AKAP6: variants seen among roughly 807,000 people sequenced by gnomAD.
AKAP6 encodes A-kinase anchoring protein 6.
A neutral mutation model predicts 188.5 loss-of-function variants in AKAP6; 58 were observed. The ratio of observed to expected loss-of-function variants is 0.31; its 90% CI spans 0.25 to 0.38. The LOEUF (loss-of-function observed/expected upper bound fraction) is 0.38, where lower values mean the gene tolerates loss of function less well. Ranked by LOEUF, AKAP6 falls within the 10% of genes least tolerant of loss-of-function variation. The pLI is 1.00. For missense variants in AKAP6, 2,710 were observed against 2,740.0 expected (o/e 0.99, Z 0.24); for synonymous variants, 989 against 998.6 (o/e 0.99, Z 0.18).
intron 12 of AKAP6, among the ~76,000 whole-genome samples, chr14:32,781,064 A>C (rs2033234575): frequency 6.6e-6 from 1 of 152,110 alleles, no homozygotes; most frequent in African/African-American, 2.4e-5. Context: ...TAAATAGGAG[A>C]AAGAAAATAA....
intron 5 of AKAP6, among the ~76,000 whole-genome samples, chr14:32,583,642 C>A (rs2139291757): frequency 6.6e-6 from 1 of 152,328 alleles, no homozygotes; most frequent in South Asian, 2.1e-4. Context: ...TTCGAGCTTC[C>A]TGGCTGCTTT....
chr14:32,518,308 T>C (rs1370107125), intron 2 of AKAP6, among the ~76,000 whole-genome samples: 1 of 152,132 alleles, frequency 6.6e-6, no homozygotes, highest in Non-Finnish European at 1.5e-5. Context: ...AGGAAAGCAG[T>C]TCCTCACCAG....
Position 32,467,480 on chromosome 14 carries a change from T to G in AKAP6, c.324+33663T>G, listed in dbSNP as rs949041370. Among the ~76,000 whole-genome samples the G allele has an allele frequency of 7.2e-5, 11 of 152,232 alleles. No homozygotes were observed. The East Asian group carries it at 1.4e-3, about 19-fold the overall frequency. The stretch of plus-strand genomic sequence containing the variant: ...GTTTTAAAAATGGAATGACTACCAT[T>G]TATATAAAGATTTTCACAAACCTGT... On this transcript the variant is annotated intron_variant, in intron 2 of 13. Coordinates refer to ENST00000280979, the MANE Select transcript of AKAP6 (RefSeq NM_004274.5).
At chr14:32,392,774 G>A (rs1888753896) in intron 1 of AKAP6, among the ~76,000 whole-genome samples, 1 of 152,058 alleles carries the variant, frequency 6.6e-6, no homozygotes, top group African/African-American at 2.4e-5. Flanking sequence ...AAACAAATTT[G>A]AGCCACAAAA....
chr14:32,474,379 A>ACTTGCAT (rs1878943096), intron 2 of AKAP6: 1 of 151,206 alleles, frequency 6.6e-6, no homozygotes, highest in African/African-American at 2.4e-5. Flanking sequence ...TTCCTAGACC[A>ACTTGCAT]CTTCCATCCA....
intron 7 of AKAP6, among the ~76,000 whole-genome samples, chr14:32,642,781 A>G (rs1887815466): frequency 6.6e-6 from 1 of 152,194 alleles, no homozygotes; most frequent in African/African-American, 2.4e-5. Context: ...ATTTCGATGC[A>G]CAAGGATTTA....
chr14:32,556,636 C>T (rs549535186), intron 4 of AKAP6, among the ~76,000 whole-genome samples: 2 of 152,296 alleles, frequency 1.3e-5, no homozygotes, highest in South Asian at 4.1e-4. Context: ...AGCCCCCGCA[C>T]CTAGCCCATT....
intron 7 of AKAP6, among the ~76,000 whole-genome samples, chr14:32,635,633 A>G (rs1887451360): frequency 6.6e-6 from 1 of 152,102 alleles, no homozygotes; most frequent in South Asian, 2.1e-4. Flanking sequence ...ACACTGGTAA[A>G]AATAGACAGT....
At chr14:32,562,123 G>A (rs1883983670) in intron 4 of AKAP6, among the ~76,000 whole-genome samples, 2 of 152,026 alleles carry the variant, frequency 1.3e-5, no homozygotes, top group Admixed American at 1.3e-4. Context: ...GAGGCTCAGT[G>A]CATTGCTTTT....
intron 4 of AKAP6, among the ~76,000 whole-genome samples, chr14:32,560,883 C>T (rs1322753109): frequency 6.6e-6 from 1 of 152,148 alleles, no homozygotes; most frequent in East Asian, 1.9e-4. Flanking sequence ...TTCTTGTCCC[C>T]TTGCAAACTG....
At chr14:32,428,097 G>A (rs1352210844) in intron 1 of AKAP6, among the ~76,000 whole-genome samples, 1 of 152,200 alleles carries the variant, frequency 6.6e-6, no homozygotes, top group Non-Finnish European at 1.5e-5. Context: ...CTATTTGGCT[G>A]AAGTTGGCTT....
chr14:32,610,043 T>C (rs1355504340), intron 7 of AKAP6, among the ~76,000 whole-genome samples: 2 of 152,202 alleles, frequency 1.3e-5, no homozygotes, highest in Non-Finnish European at 2.9e-5. Context: ...ATTCTATTAA[T>C]GCGGTTAGCA....
In AKAP6 at chr14:32,343,742, G is replaced by T. The variant is rs1040682867; in HGVS notation, c.-35+14334G>T. Among the ~76,000 whole-genome samples, 115 of 69,788 alleles carry T rather than the reference G, an allele frequency of 1.6e-3. 1 individual carries two copies. Among genetic ancestry groups the T allele is most frequent in the Middle Eastern group, 0.014 (1 of 70 alleles). The allele number at this position is 69,788 out of a possible 152,430, so 45.8% of individuals were successfully genotyped here. Reference sequence around the variant, plus strand: ...AGCCTGAGCAACAGAGCAAGATTCCGTCTCAAAAAAAAAAAAAAAAAAAAA... The same window carrying T: ...AGCCTGAGCAACAGAGCAAGATTCCTTCTCAAAAAAAAAAAAAAAAAAAAA... On this transcript the variant is annotated intron_variant, in intron 1 of 13. Transcript: ENST00000280979.
chr14:32,369,016 C>T, intron 1 of AKAP6, among the ~76,000 whole-genome samples: 1 of 152,064 alleles, frequency 6.6e-6, no homozygotes, highest in Admixed American at 6.6e-5. Context: ...CCAATGGAGG[C>T]ACTTTTGAGA....
chr14:32,671,392 C>A (rs758308213), intron 7 of AKAP6, among the ~76,000 whole-genome samples: 4 of 151,784 alleles, frequency 2.6e-5, no homozygotes, highest in Non-Finnish European at 4.4e-5. Flanking sequence ...CAAGTATAAA[C>A]AATTCAAGTA....
intron 9 of AKAP6, among the ~76,000 whole-genome samples, chr14:32,700,667 A>G (rs1890585329): frequency 6.6e-6 from 1 of 152,188 alleles, no homozygotes; most frequent in African/African-American, 2.4e-5. Context: ...AACATGCTGT[A>G]CAGGTTTGTA....
intron 8 of AKAP6, among the ~76,000 whole-genome samples, chr14:32,682,215 C>T (rs144069414): frequency 3.3e-5 from 5 of 152,284 alleles, no homozygotes; most frequent in African/African-American, 4.8e-5. Context: ...AAGTGCTTCT[C>T]AATTTAACCT....
In AKAP6 at chr14:32,823,542, C is replaced by A. The variant is rs771986930; in HGVS notation, c.5729C>A (p.Pro1910Gln). The change falls in exon 13 of 14, where the codon CCG becomes CAG. Residue 1910 changes from proline (P) to glutamine (Q), a missense_variant. This residue lies in a region of AKAP6 where 2,473 missense variants were observed against 2,426.1 expected (regional missense o/e 1.02). Coordinates refer to ENST00000280979, the MANE Select transcript of AKAP6 (RefSeq NM_004274.5). ...EGIPERQKGK[P>Q]NVTSKVSENL... ...ATTCCAGAAAGGCAAAAGGGAAAAC[C>A]GAATGTGACTTCAAAGGTATCAGAA... is the stretch of plus-strand genomic sequence containing the variant. The A allele has an allele frequency of 6.2e-7, 1 of 1,613,714 alleles. No homozygotes were observed. The highest frequency in any genetic ancestry group is 1.1e-5 in the South Asian group (1 of 91,056).
intron 2 of AKAP6, among the ~76,000 whole-genome samples, chr14:32,492,337 AATATAT>A (rs148154496): frequency 3.9e-5 from 3 of 76,790 alleles, no homozygotes; most frequent in Non-Finnish European, 5.8e-5. Context: ...ACTACATTGT[AATATAT>A]ATATATATAT....
Sources: gnomAD v4.1 joint callset for allele counts (sites outside exome capture counted in the v4.1 genomes callset) on GRCh38, gnomAD v4.1.1 for gene constraint, gnomAD v4.1.1 regional missense constraint, MANE v1.5 for transcripts, NCBI Gene and HGNC (gene_info 2026-07-23, HGNC 2026-07-21) for gene names.